The following CR2 variants were observed in gnomAD, a reference collection of about 807,000 sequenced individuals.
The protein encoded by CR2 is complement C3d receptor 2, also known as complement receptor type 2.
A neutral mutation model predicts 123.0 loss-of-function variants in CR2; 96 were observed. The observed-to-expected ratio is 0.78, with a 90% CI of 0.66 to 0.93. The LOEUF (loss-of-function observed/expected upper bound fraction) is 0.93, where lower values mean the gene tolerates loss of function less well. CR2 is among the 40% of genes least tolerant of loss of function. The probability of loss-of-function intolerance (pLI) is 0.00; values close to 1 mark genes in which losing one functional copy is unlikely to be tolerated. For missense variants in CR2, 1,258 were observed against 1,361.0 expected (o/e 0.92, Z 1.19); for synonymous variants, 484 against 469.5 (o/e 1.03, Z -0.40).
intron 15 of CR2, 128 bp downstream of exon 15, chr1:207,476,547 AATTAGAT>A (rs756997285): frequency 3.6e-5 from 29 of 808,712 alleles, no homozygotes; most frequent in Non-Finnish European, 5.3e-5. Context: ...TAAAGGCTTT[AATTAGAT>A]TAATACAATC....
rs1274247380 is a variant in CR2 at position 207,479,249 on chromosome 1, AT to A, written c.3089-3del. On this transcript the variant is annotated splice_region_variant and splice_polypyrimidine_tract_variant and intron_variant, in intron 16 of 19. Coordinates refer to ENST00000367057, the MANE Select transcript of CR2 (RefSeq NM_001006658.3). Reference sequence around the variant, plus strand: ...ATAATCATTTTCATGATTTTGTACTATTTTTAGGTTCACTTGCTCCTGTCCT... The same window carrying A: ...ATAATCATTTTCATGATTTTGTACTATTTTAGGTTCACTTGCTCCTGTCCT... 2 of 1,590,422 alleles carry A rather than the reference AT, an allele frequency of 1.3e-6. No individual in the cohort carries two copies. The highest frequency in any genetic ancestry group is 1.7e-6 in the Non-Finnish European group (2 of 1,158,752).
Position 207,474,271 on chromosome 1 carries a change from G to A in CR2, c.2271G>A (p.Met757Ile). Residue 757 changes from methionine to isoleucine, a missense_variant, in exon 13 of 20, where the codon ATG (methionine) becomes ATA (isoleucine). Physicochemically the swap from Met to Ile is conservative, Grantham distance 10 (BLOSUM62 1). Coordinates refer to ENST00000367057, the MANE Select transcript of CR2 (RefSeq NM_001006658.3). ...AGTTGACTGGACATGCTTATCAGAT[G>A]TGTCAAGATGCTGAAAATGGAATTT... ...GYQLTGHAYQ[M>I]CQDAENGIWF... 6.2e-7 allele frequency: 1 copy of A among 1,613,560 alleles called. No homozygotes were observed.
chr1:207,458,286 T>G (rs997322131), intron 1 of CR2, among the ~76,000 whole-genome samples: 1 of 152,138 alleles, frequency 6.6e-6, no homozygotes, highest in African/African-American at 2.4e-5. Context: ...CATTTTTTTT[T>G]TTTTGGCCCT....
intron 12 of CR2, 133 bp from the exon 13 acceptor site, chr1:207,474,106 TAA>T: frequency 1.1e-6 from 1 of 900,666 alleles, no homozygotes; most frequent in Non-Finnish European, 1.8e-6. Flanking sequence ...TTACTTGGAG[TAA>T]AAAAAAGTAG....
intron 1 of CR2, among the ~76,000 whole-genome samples, chr1:207,459,701 G>A (rs1423481774): frequency 6.6e-6 from 1 of 152,210 alleles, no homozygotes; most frequent in Non-Finnish European, 1.5e-5. Context: ...ATCCAGTCAT[G>A]ATCTCCTCTG....
chr1:207,469,295 C>A, intron 5 of CR2, 63 bp downstream of exon 5: 1 of 1,229,152 alleles, frequency 8.1e-7, no homozygotes, highest in Non-Finnish European at 1.2e-6. Flanking sequence ...GCTTTTGGTT[C>A]AGTCATTACC....
chr1:207,476,314 A>T lies in CR2; in HGVS notation c.2797A>T (p.Met933Leu), dbSNP rs1429956677. 6.2e-7 allele frequency: 1 copy of T among 1,614,016 alleles called. No homozygotes were observed. Among genetic ancestry groups the T allele is most frequent in the Admixed American group, 1.7e-5 (1 of 60,000 alleles). ...GGNIARFSPG[M>L]SILYSCDQGY... is the part of the protein sequence containing the mutation. ...AAACATAGCTCGATTTTCTCCTGGAATGTCAATCCTGTACAGCTGTGACCA... is the reference window on the plus strand; with the variant it reads ...AAACATAGCTCGATTTTCTCCTGGATTGTCAATCCTGTACAGCTGTGACCA... Residue 933 changes from methionine to leucine, a missense_variant, in exon 15 of 20, where the codon ATG (methionine) becomes TTG (leucine). Met to Leu is a conservative substitution (Grantham distance 15). Coordinates refer to ENST00000367057, the MANE Select transcript of CR2 (RefSeq NM_001006658.3).
At chr1:207,456,725 A>G (rs1047311159) in intron 1 of CR2, among the ~76,000 whole-genome samples, 16 of 152,160 alleles carry the variant, frequency 1.1e-4, no homozygotes, top group Admixed American at 5.9e-4. Flanking sequence ...ACCTCCATCT[A>G]GAATCAGATT....
Position 207,485,449 on chromosome 1 carries a change from T to A in CR2, c.3189-15T>A, listed in dbSNP as rs764392048. On this transcript the variant is annotated splice_polypyrimidine_tract_variant and intron_variant, in intron 18 of 19. Coordinates refer to ENST00000367057, the MANE Select transcript of CR2 (RefSeq NM_001006658.3). ...TGAGTAAAGATATTACATTTTTCTTTCTTCTTCTGTTTAGCAATTATTATA... is the reference window on the plus strand; with the variant it reads ...TGAGTAAAGATATTACATTTTTCTTACTTCTTCTGTTTAGCAATTATTATA... 6.6e-7 allele frequency: 1 copy of A among 1,522,862 alleles called. No homozygotes were observed. The highest frequency in any genetic ancestry group is 9.1e-7 in the Non-Finnish European group (1 of 1,097,150). 94.3% of individuals were successfully genotyped at this position (1,522,862 alleles called of 1,614,324 possible).
intron 2 of CR2, 172 bp from the exon 3 acceptor site, chr1:207,468,355 T>C: frequency 1.5e-6 from 1 of 650,328 alleles, no homozygotes; most frequent in Non-Finnish European, 2.6e-6. Context: ...TTTTTTGCAA[T>C]TTTTTTAGCT....
At position 207,475,215 on chromosome 1, in the gene CR2, AG is replaced by A; in HGVS notation, c.2716+1del. 6.2e-7 allele frequency: 1 copy of A among 1,613,960 alleles called. No individual in the cohort carries two copies. Among genetic ancestry groups the A allele is most frequent in the Non-Finnish European group, 8.5e-7 (1 of 1,179,886 alleles). On this transcript the variant is annotated frameshift_variant and splice_region_variant, in exon 14 of 20. Transcript: ENST00000367057. LOFTEE classifies it high-confidence loss of function. ...CAGGTGTGCCAACTTGTATCAAAAA[AG>A]GTAAGATACTTGGAAGGGATAAGTT... ...VPGVPTCIKK[A>X]FIGCPPPPKT...
chr1:207,482,903 T>G (rs370634417), intron 18 of CR2, among the ~76,000 whole-genome samples: 43 of 150,446 alleles, frequency 2.9e-4, no homozygotes, highest in Middle Eastern at 3.4e-3. Context: ...ATAGTGTGTG[T>G]GTGATGGTGA....
At chr1:207,485,707 A>C (rs902712917) in intron 19 of CR2, 135 bp downstream of exon 19, 5 of 648,914 alleles carry the variant, frequency 7.7e-6, no homozygotes, top group Non-Finnish European at 1.4e-5. Flanking sequence ...CATGCATAGC[A>C]ATTGTTCATT....
intron 1 of CR2, among the ~76,000 whole-genome samples, chr1:207,460,695 C>T (rs1657944022): frequency 6.6e-6 from 1 of 151,994 alleles, no homozygotes; most frequent in Non-Finnish European, 1.5e-5. Flanking sequence ...CCAGCTATAT[C>T]CCTAAGTGTA....
intron 17 of CR2, 100 bp downstream of exon 17, chr1:207,479,380 A>G (rs1032575237): frequency 8.6e-6 from 7 of 814,514 alleles, no homozygotes; most frequent in Non-Finnish European, 1.4e-5. Context: ...TATTTAACTC[A>G]TAGGGAATGT....
chr1:207,462,255 G>A (rs1365706165), intron 1 of CR2, among the ~76,000 whole-genome samples: 1 of 152,094 alleles, frequency 6.6e-6, no homozygotes, highest in East Asian at 1.9e-4. Context: ...TGTACTATGA[G>A]GTAGTTCTCT....
In CR2 at chr1:207,474,311, C is replaced by A; in HGVS notation, c.2311C>A (p.Pro771Thr). 1 of 1,611,210 alleles carries A rather than the reference C, an allele frequency of 6.2e-7. No individual in the cohort carries two copies. Among genetic ancestry groups the A allele is most frequent in the Non-Finnish European group, 8.5e-7 (1 of 1,177,578 alleles). Residue 771 changes from proline (P) to threonine (T), a missense_variant, in exon 13 of 20, where the codon CCA becomes ACA. Physicochemically the swap from Pro to Thr is conservative, Grantham distance 38. Transcript: ENST00000367057. Reference sequence around the variant, plus strand: ...AAATGGAATTTGGTTCAAAAAGATTCCACTTTGTAAAGGTAAGTTAGAAAA... The same window carrying A: ...AAATGGAATTTGGTTCAAAAAGATTACACTTTGTAAAGGTAAGTTAGAAAA... Reference protein sequence around the residue: ...AENGIWFKKIPLCKVIHCHPP... With the variant: ...AENGIWFKKITLCKVIHCHPP...
At chr1:207,473,263 A>G in intron 10 of CR2, 84 bp downstream of exon 10, 1 of 1,510,548 alleles carries the variant, frequency 6.6e-7, no homozygotes, top group East Asian at 2.3e-5. Context: ...TGCATCATGG[A>G]AAGAGGCAAG....
At chr1:207,474,698 C>A in intron 13 of CR2, 126 bp from the exon 14 acceptor site, 2 of 1,067,660 alleles carry the variant, frequency 1.9e-6, no homozygotes, top group Non-Finnish European at 2.8e-6. Context: ...AATCCATATT[C>A]CAAAATTTAA....
Sources: gnomAD v4.1 joint callset for allele counts (sites outside exome capture counted in the v4.1 genomes callset) on GRCh38, gnomAD v4.1.1 for gene constraint, MANE v1.5 for transcripts, NCBI Gene and HGNC (gene_info 2026-07-23, HGNC 2026-07-21) for gene names.